COMMD10: variants seen among roughly 807,000 people sequenced by gnomAD.
The protein encoded by COMMD10 is COMM domain containing 10.
Under a neutral mutation model 28.9 loss-of-function variants are expected in COMMD10, and 33 were observed. That is an observed-to-expected ratio of 1.14 (90% CI 0.87 to 1.53). The LOEUF (loss-of-function observed/expected upper bound fraction) is 1.53. COMMD10 is among the 40% of genes most tolerant of loss of function. The probability of loss-of-function intolerance (pLI) is 0.00; values close to 1 mark genes in which losing one functional copy is unlikely to be tolerated. For missense variants in COMMD10, 310 were observed against 233.4 expected (o/e 1.33, Z -2.14); for synonymous variants, 110 against 81.7 (o/e 1.35, Z -1.87).
intron 5 of COMMD10, among the ~76,000 whole-genome samples, chr5:116,143,167 C>T (rs1398605189): frequency 1.4e-5 from 2 of 138,786 alleles, no homozygotes; most frequent in Non-Finnish European, 3.1e-5. Flanking sequence ...TATATAATTT[C>T]TGCATAACGC....
chr5:116,225,052 C>T (rs1025250736), intron 5 of COMMD10, among the ~76,000 whole-genome samples: 6 of 152,034 alleles, frequency 3.9e-5, no homozygotes, highest in African/African-American at 1.4e-4. Context: ...TGCAGTTGTA[C>T]TGATTCTTTT....
At chr5:116,182,454 GC>G (rs1748002851) in intron 5 of COMMD10, among the ~76,000 whole-genome samples, 1 of 150,066 alleles carries the variant, frequency 6.7e-6, no homozygotes. Context: ...GAGAGTTTGA[GC>G]AAAAAAAAAG....
At chr5:116,188,448 T>G (rs1355599207) in intron 5 of COMMD10, 1 of 130,328 alleles carries the variant, frequency 7.7e-6, no homozygotes, top group Non-Finnish European at 1.5e-5. Flanking sequence ...AGTTTTTATT[T>G]TATTTAAAAA....
At chr5:116,165,879 A>C (rs1443650255) in intron 5 of COMMD10, among the ~76,000 whole-genome samples, 1 of 152,012 alleles carries the variant, frequency 6.6e-6, no homozygotes, top group Non-Finnish European at 1.5e-5. Context: ...TATAACATGA[A>C]TTTTGGGGTA....
intron 5 of COMMD10, among the ~76,000 whole-genome samples, chr5:116,257,328 A>T (rs1392874034): frequency 4.6e-5 from 7 of 151,686 alleles, no homozygotes; most frequent in African/African-American, 1.5e-4. Context: ...CTTTATAGAG[A>T]TTTTAAATAT....
intron 4 of COMMD10, among the ~76,000 whole-genome samples, chr5:116,130,139 C>G (rs1751817317): frequency 6.6e-6 from 1 of 151,752 alleles, no homozygotes; most frequent in Non-Finnish European, 1.5e-5. Flanking sequence ...TTAAAAATTA[C>G]TTTCCTTGTG....
chr5:116,192,725 A>G (rs1282504325), intron 5 of COMMD10, among the ~76,000 whole-genome samples: 1 of 152,218 alleles, frequency 6.6e-6, no homozygotes, highest in Non-Finnish European at 1.5e-5. Flanking sequence ...GATTTCTACA[A>G]GCTTGGAAAA....
intron 5 of COMMD10, among the ~76,000 whole-genome samples, chr5:116,140,945 T>G (rs1752176961): frequency 6.6e-6 from 1 of 151,870 alleles, no homozygotes; most frequent in Non-Finnish European, 1.5e-5. Flanking sequence ...GTAGTTCTAC[T>G]TGTTTATTTT....
At chr5:116,278,216 T>C (rs1168234771) in intron 5 of COMMD10, among the ~76,000 whole-genome samples, 2 of 151,814 alleles carry the variant, frequency 1.3e-5, no homozygotes, top group Admixed American at 6.6e-5. Context: ...CCATTGTTTT[T>C]AGCTGTCAAT....
intron 5 of COMMD10, among the ~76,000 whole-genome samples, chr5:116,237,536 G>T (rs79985832): frequency 2.0e-5 from 3 of 151,926 alleles, no homozygotes; most frequent in African/African-American, 7.3e-5. Flanking sequence ...ATTGCCAAGC[G>T]CAATGGCACA....
chr5:116,259,729 C>T (rs1056148662), intron 5 of COMMD10, among the ~76,000 whole-genome samples: 13 of 151,794 alleles, frequency 8.6e-5, no homozygotes, highest in East Asian at 3.9e-4. Flanking sequence ...AGGGTATTCC[C>T]GGTTGTAGAA....
At chr5:116,218,829 C>T (rs1300670336) in intron 5 of COMMD10, among the ~76,000 whole-genome samples, 2 of 152,142 alleles carry the variant, frequency 1.3e-5, no homozygotes, top group African/African-American at 4.8e-5. Flanking sequence ...TCCCAGTTAG[C>T]TTTGAATAGG....
chr5:116,137,121 C>T (rs936186886), intron 5 of COMMD10, among the ~76,000 whole-genome samples: 1 of 152,048 alleles, frequency 6.6e-6, no homozygotes, highest in Non-Finnish European at 1.5e-5. Flanking sequence ...AATTACTGCT[C>T]TTTCTCTTGT....
At chr5:116,285,466 G>C (rs1189286874) in intron 5 of COMMD10, among the ~76,000 whole-genome samples, 1 of 151,868 alleles carries the variant, frequency 6.6e-6, no homozygotes, top group Non-Finnish European at 1.5e-5. Flanking sequence ...AGACTATGGA[G>C]TATATGCTGT....
At chr5:116,150,383 A>G (rs1291869655) in intron 5 of COMMD10, among the ~76,000 whole-genome samples, 3 of 152,092 alleles carry the variant, frequency 2.0e-5, no homozygotes, top group Admixed American at 6.6e-5. Flanking sequence ...GTTTTTTCCA[A>G]TTCTGTGAAG....
At chr5:116,240,526 C>T (rs1375067777) in intron 5 of COMMD10, among the ~76,000 whole-genome samples, 1 of 152,092 alleles carries the variant, frequency 6.6e-6, no homozygotes, top group South Asian at 2.1e-4. Context: ...CATCATTCTC[C>T]AAAACTAGCT....
chr5:116,239,176 A>T (rs1422462861), intron 5 of COMMD10, among the ~76,000 whole-genome samples: 1 of 152,194 alleles, frequency 6.6e-6, no homozygotes, highest in African/African-American at 2.4e-5. Context: ...ATACTAAAAT[A>T]ACTCTTCACA....
At chr5:116,109,125 G>T (rs1351740467) in intron 4 of COMMD10, among the ~76,000 whole-genome samples, 1 of 152,170 alleles carries the variant, frequency 6.6e-6, no homozygotes, top group African/African-American at 2.4e-5. Flanking sequence ...GCTACAGACC[G>T]GAGCTGTTTC....
intron 5 of COMMD10, among the ~76,000 whole-genome samples, chr5:116,208,519 G>A (rs1748875716): frequency 6.6e-6 from 1 of 152,052 alleles, no homozygotes; most frequent in African/African-American, 2.4e-5. Context: ...TGACTCTTTG[G>A]GATCCCTTTG....
Sources: gnomAD v4.1 joint callset for allele counts (sites outside exome capture counted in the v4.1 genomes callset) on GRCh38, gnomAD v4.1.1 for gene constraint, MANE v1.5 for transcripts, NCBI Gene and HGNC (gene_info 2026-07-23, HGNC 2026-07-21) for gene names.